Variants in ABLIM1 observed in about 807,000 individuals in gnomAD.
The protein encoded by ABLIM1 is actin-binding LIM protein 1.
A neutral mutation model predicts 107.0 loss-of-function variants in ABLIM1; 40 were observed. The observed-to-expected ratio is 0.37, with a 90% CI of 0.29 to 0.49. The LOEUF (loss-of-function observed/expected upper bound fraction) is 0.49. ABLIM1 is among the 20% of genes least tolerant of loss of function. The pLI, the probability that ABLIM1 is intolerant of heterozygous loss-of-function variation, is 0.97. For synonymous variants in ABLIM1, 357 were observed against 357.3 expected (o/e 1.00, Z 0.01); for missense variants, 857 against 1,008.5 (o/e 0.85, Z 2.04).
intron 11 of ABLIM1, among the ~76,000 whole-genome samples, chr10:114,467,692 A>G (rs550356736): frequency 1.3e-5 from 2 of 152,330 alleles, no homozygotes; most frequent in East Asian, 1.9e-4. Flanking sequence ...TGAATTACAG[A>G]GATTCCCTAA....
chr10:114,533,191 A>C (rs1404258912), intron 6 of ABLIM1, among the ~76,000 whole-genome samples: 1 of 152,080 alleles, frequency 6.6e-6, no homozygotes, highest in Non-Finnish European at 1.5e-5. Flanking sequence ...AAACACAAAA[A>C]TTAGCCAGGG....
At chr10:114,687,600 A>C (rs766611606), upstream of ABLIM1, among the ~76,000 whole-genome samples, 64 of 152,322 alleles carry the variant, frequency 4.2e-4, 1 homozygote, top group Middle Eastern at 3.4e-3. Flanking sequence ...ACAACAGATT[A>C]TGTTAAAAGA....
chr10:114,684,169 T>A (rs991132866), intron 1 of ABLIM1: 2 of 960,306 alleles, frequency 2.1e-6, no homozygotes, highest in African/African-American at 3.3e-5. Flanking sequence ...ATCTTTTACT[T>A]ATTATCATAA....
chr10:114,507,218 C>A (rs2061279067), intron 6 of ABLIM1, among the ~76,000 whole-genome samples: 1 of 152,202 alleles, frequency 6.6e-6, no homozygotes. Flanking sequence ...AACAACTATG[C>A]CTTCCAGCCT....
intron 4 of ABLIM1, among the ~76,000 whole-genome samples, chr10:114,550,829 A>C (rs950925104): frequency 1.3e-5 from 2 of 152,192 alleles, no homozygotes; most frequent in African/African-American, 4.8e-5. Flanking sequence ...ATTTTTCTTT[A>C]TTCTTCTAAT....
At chr10:114,545,183 C>G in intron 5 of ABLIM1, 85 bp from the exon 6 acceptor site, 1 of 1,214,012 alleles carries the variant, frequency 8.2e-7, no homozygotes, top group Middle Eastern at 2.1e-4. Context: ...CAAGGCCTTT[C>G]CACAGAAGGG....
intron 1 of ABLIM1, among the ~76,000 whole-genome samples, chr10:114,667,496 T>G (rs569060565): frequency 6.6e-6 from 1 of 152,360 alleles, no homozygotes; most frequent in East Asian, 1.9e-4. Context: ...ATTTTTCCCC[T>G]TGAATTAATT....
intron 1 of ABLIM1, among the ~76,000 whole-genome samples, chr10:114,736,063 T>A (rs2082172604): frequency 6.6e-6 from 1 of 152,220 alleles, no homozygotes; most frequent in African/African-American, 2.4e-5. Context: ...AAGGCAATGA[T>A]TTTATGTAAT....
At chr10:114,658,668 AC>A, upstream of ABLIM1, among the ~76,000 whole-genome samples, 1 of 152,340 alleles carries the variant, frequency 6.6e-6, no homozygotes, top group South Asian at 2.1e-4. Flanking sequence ...TTCAGATCTC[AC>A]AGGTGGAGGT....
intron 8 of ABLIM1, among the ~76,000 whole-genome samples, chr10:114,483,467 G>T (rs928644308): frequency 7.2e-5 from 11 of 151,984 alleles, no homozygotes; most frequent in African/African-American, 2.7e-4. Flanking sequence ...GGTACATATG[G>T]GGTTTTGCCA....
At chr10:114,741,379 C>A (rs2082285160) in intron 1 of ABLIM1, among the ~76,000 whole-genome samples, 1 of 151,704 alleles carries the variant, frequency 6.6e-6, no homozygotes, top group Non-Finnish European at 1.5e-5. Flanking sequence ...ACGCCTGCCA[C>A]CAGGCCTGGC....
intron 1 of ABLIM1, among the ~76,000 whole-genome samples, chr10:114,683,328 T>C (rs747610745): frequency 2.6e-5 from 4 of 152,218 alleles, no homozygotes; most frequent in Non-Finnish European, 5.9e-5. Context: ...GAAACCACAT[T>C]ACTGGACTTT....
intron 2 of ABLIM1, among the ~76,000 whole-genome samples, chr10:114,584,311 T>C (rs1256705887): frequency 2.6e-5 from 4 of 152,186 alleles, no homozygotes; most frequent in Admixed American, 1.3e-4. Context: ...TCCCATCTTC[T>C]GCCTCTGTCC....
At chr10:114,786,202 T>C in the ABLIM1 span, among the ~76,000 whole-genome samples, 1 of 152,190 alleles carries the variant, frequency 6.6e-6, no homozygotes, top group African/African-American at 2.4e-5. Flanking sequence ...AGAGTATTTA[T>C]GGTAATACTA....
intron 10 of ABLIM1, among the ~76,000 whole-genome samples, chr10:114,470,091 C>G (rs769488319): frequency 1.0e-3 from 158 of 152,264 alleles, no homozygotes; most frequent in Non-Finnish European, 1.9e-3. Flanking sequence ...AATGGCTGCA[C>G]AGAACTAATC....
chr10:114,663,813 A>T (rs1400376548), intron 1 of ABLIM1, among the ~76,000 whole-genome samples: 1 of 152,130 alleles, frequency 6.6e-6, no homozygotes, highest in African/African-American at 2.4e-5. Context: ...AACCAGAAAC[A>T]CCAGCATCAG....
chr10:114,445,471 AT>A (rs2060875986), intron 15 of ABLIM1, 68 bp from the exon 16 acceptor site: 3 of 1,339,586 alleles, frequency 2.2e-6, no homozygotes, highest in Non-Finnish European at 3.2e-6. Context: ...GGGCTAGTCC[AT>A]CTGTGTTCAG....
chr10:114,621,463 A>G (rs1417051565), intron 1 of ABLIM1, among the ~76,000 whole-genome samples: 1 of 152,240 alleles, frequency 6.6e-6, no homozygotes, highest in African/African-American at 2.4e-5. Flanking sequence ...TTATTAGTTC[A>G]TTCAACATTC....
chr10:114,595,179 A>G (rs1041932969), intron 2 of ABLIM1: 2 of 152,136 alleles, frequency 1.3e-5, no homozygotes, highest in African/African-American at 2.4e-5. Flanking sequence ...ACCCTGAAAA[A>G]TGCTCATGAT....
Sources: gnomAD v4.1 joint callset for allele counts (sites outside exome capture counted in the v4.1 genomes callset) on GRCh38, gnomAD v4.1.1 for gene constraint, MANE v1.5 for transcripts, NCBI Gene and HGNC (gene_info 2026-07-23, HGNC 2026-07-21) for gene names.